Variants in STK40 observed in about 807,000 individuals in gnomAD.
STK40 encodes serine/threonine kinase 40.
STK40 carries 13 observed loss-of-function variants against 47.9 expected under a neutral mutation model. The ratio of observed to expected loss-of-function variants is 0.27; its 90% CI spans 0.18 to 0.43. The LOEUF (loss-of-function observed/expected upper bound fraction) is 0.43, where lower values mean the gene tolerates loss of function less well. Among genes scored for constraint, STK40 ranks in the 20% least tolerant of loss-of-function variants. STK40 has a pLI of 1.00. For missense variants in STK40, 460 were observed against 595.1 expected (o/e 0.77, Z 2.36); for synonymous variants, 225 against 243.2 (o/e 0.93, Z 0.69).
At chr1:36,368,035 T>A in intron 1 of STK40, 1 of 239,768 alleles carries the variant, frequency 4.2e-6, no homozygotes, top group Non-Finnish European at 6.7e-6. Context: ...GCACATATAT[T>A]GTGCTGTAAA....
At chr1:36,348,362 T>G (rs1057354744) in intron 7 of STK40, among the ~76,000 whole-genome samples, 5 of 152,194 alleles carry the variant, frequency 3.3e-5, no homozygotes, top group African/African-American at 4.8e-5. Flanking sequence ...CTCAGCCTAG[T>G]CACACATACC....
At chr1:36,374,780 G>C (rs865784619) in intron 1 of STK40, among the ~76,000 whole-genome samples, 5 of 152,206 alleles carry the variant, frequency 3.3e-5, no homozygotes, top group Non-Finnish European at 5.9e-5. Context: ...AGTGACGGCA[G>C]ACTGAGTCAC....
chr1:36,384,484 C>T (rs1433757073), intron 1 of STK40, among the ~76,000 whole-genome samples: 2 of 152,218 alleles, frequency 1.3e-5, no homozygotes, highest in Non-Finnish European at 2.9e-5. Flanking sequence ...TAACTTTTTA[C>T]TCTTCATAAT....
At chr1:36,357,817 T>A (rs571527049) in intron 4 of STK40, among the ~76,000 whole-genome samples, 1 of 152,110 alleles carries the variant, frequency 6.6e-6, no homozygotes, top group African/African-American at 2.4e-5. Context: ...GGGTTTCACC[T>A]TGTTGGCCAG....
chr1:36,349,081 C>T (rs1281920629), intron 6 of STK40, among the ~76,000 whole-genome samples: 1 of 152,214 alleles, frequency 6.6e-6, no homozygotes, highest in Non-Finnish European at 1.5e-5. Context: ...ACAGGCCATC[C>T]CTGGACCTGC....
At position 36,356,953 on chromosome 1, in the gene STK40, T is replaced by G. The variant is rs78362083; in HGVS notation, c.342+1286A>C. Among the ~76,000 whole-genome samples, 1,242 of 152,324 alleles carry G rather than the reference T, an allele frequency of 8.2e-3. 17 individuals carry two copies. Among genetic ancestry groups the G allele is most frequent in the African/African-American group, 0.028 (1,157 of 41,568 alleles). ...ATGGGGATACTCTAATTTTTGGAGT[T>G]GCCTAAAAATACTCTGAGTCACCTC... On this transcript the variant is annotated intron_variant, in intron 4 of 10. Coordinates refer to ENST00000373132, the MANE Select transcript of STK40 (RefSeq NM_001282547.2).
At chr1:36,344,704 G>A (rs1646685351) in intron 7 of STK40, among the ~76,000 whole-genome samples, 1 of 152,158 alleles carries the variant, frequency 6.6e-6, no homozygotes, top group Admixed American at 6.5e-5. Context: ...TTGTCTACTT[G>A]TGACTCCCCG....
chr1:36,357,106 G>A (rs1646812313), intron 4 of STK40, among the ~76,000 whole-genome samples: 1 of 152,192 alleles, frequency 6.6e-6, no homozygotes, highest in Non-Finnish European at 1.5e-5. Context: ...CAATGATGAT[G>A]ACAGTGTTCC....
rs571156911 is a variant in STK40 at position 36,371,720 on chromosome 1, G to A, written c.-8-10380C>T. 3.2e-3 allele frequency among the ~76,000 whole-genome samples: 446 copies of A among 138,236 alleles called. 5 individuals are homozygous for A. The highest frequency in any genetic ancestry group is 0.011 in the African/African-American group (413 of 36,430). 90.7% of individuals were successfully genotyped at this position (138,236 alleles called of 152,430 possible). A position where few individuals can be genotyped will look rare whatever the true frequency, so the allele number is the denominator to read the frequency against. On this transcript the variant is annotated intron_variant, in intron 1 of 10. Transcript: ENST00000373132. ...AAAAAAAAAAAAAAAAAAGGACTGC[G>A]TGCGGTGGCTCAAACCTGTAATCCC...
rs1430325666 is a variant in STK40 at position 36,343,348 on chromosome 1, G to A, written c.1089+16C>T. The A allele has an allele frequency of 6.2e-7, 1 of 1,608,792 alleles. No individual in the cohort carries two copies. The highest frequency in any genetic ancestry group is 8.5e-7 in the Non-Finnish European group (1 of 1,177,012). ...CTTGGGGCTGGGTAATGGCCCATCTGCCCTCCCCAACTCACCTCCTGGGAG... is the reference window on the plus strand; with the variant it reads ...CTTGGGGCTGGGTAATGGCCCATCTACCCTCCCCAACTCACCTCCTGGGAG... On this transcript the variant is annotated intron_variant, in intron 10 of 10. Transcript: ENST00000373132.
At chr1:36,361,460 C>T in intron 1 of STK40, 120 bp from the exon 2 acceptor site, 1 of 1,497,678 alleles carries the variant, frequency 6.7e-7, no homozygotes, top group Non-Finnish European at 8.9e-7. Flanking sequence ...GCCTCCAACT[C>T]CTCCTGCTAC....
intron 10 of STK40, chr1:36,342,998 TG>T (rs2124723302): frequency 3.4e-6 from 2 of 594,060 alleles, no homozygotes; most frequent in South Asian, 4.1e-5. Context: ...TAGGGAGAAA[TG>T]AATCATCTGA....
rs549485866 is a variant in STK40 at position 36,375,199 on chromosome 1, C to T, written c.-9+10524G>A. The stretch of plus-strand genomic sequence containing the variant: ...CCCAGTACATAGGAGGCACTAGACG[C>T]TTAACTTAGAAATGTTACGTTTCCT... On this transcript the variant is annotated intron_variant, in intron 1 of 10. Transcript: ENST00000373132. 2.6e-5 allele frequency among the ~76,000 whole-genome samples: 4 copies of T among 152,292 alleles called. No homozygotes were observed. The South Asian group carries it at 8.3e-4, about 32-fold the overall frequency.
chr1:36,353,804 C>G (rs1280800258), intron 6 of STK40, among the ~76,000 whole-genome samples: 1 of 152,200 alleles, frequency 6.6e-6, no homozygotes, highest in African/African-American at 2.4e-5. Flanking sequence ...AATTCCACCC[C>G]CTCACCCTGA....
chr1:36,379,980 TAGC>T (rs1647026470), intron 1 of STK40, among the ~76,000 whole-genome samples: 1 of 152,178 alleles, frequency 6.6e-6, no homozygotes, highest in Non-Finnish European at 1.5e-5. Context: ...AAGTGTTTGT[TAGC>T]AGAGAGCTTG....
intron 6 of STK40, among the ~76,000 whole-genome samples, chr1:36,349,092 T>A (rs1646729269): frequency 6.6e-6 from 1 of 152,224 alleles, no homozygotes. Context: ...CTGGACCTGC[T>A]GCCCGGGCTG....
chr1:36,381,726 C>T (rs550094920), intron 1 of STK40, among the ~76,000 whole-genome samples: 21 of 152,156 alleles, frequency 1.4e-4, no homozygotes, highest in African/African-American at 4.3e-4. Flanking sequence ...TGGGCTCAAG[C>T]GATCCTCCTG....
chr1:36,365,014 G>A (rs1411945191), intron 1 of STK40, among the ~76,000 whole-genome samples: 2 of 133,420 alleles, frequency 1.5e-5, no homozygotes, highest in Non-Finnish European at 3.0e-5. Context: ...TTTTTGAGAC[G>A]GAGTCTCGCT....
chr1:36,360,483 G>A (rs1205708702), intron 2 of STK40, among the ~76,000 whole-genome samples: 2 of 152,056 alleles, frequency 1.3e-5, no homozygotes, highest in Non-Finnish European at 2.9e-5. Context: ...ATAAAGCAGT[G>A]CCTTGGATGA....
Sources: allele counts gnomAD v4.1 joint callset (sites outside exome capture counted in the v4.1 genomes callset), GRCh38; gene constraint gnomAD v4.1.1; transcripts MANE v1.5; gene names NCBI Gene and HGNC (gene_info 2026-07-23, HGNC 2026-07-21).